The following GOLM1 variants were observed in gnomAD, a reference collection of about 807,000 sequenced individuals.
The protein encoded by GOLM1 is golgi membrane protein 1.
In GOLM1, 31 loss-of-function variants were observed where a neutral mutation model predicts 50.5. The ratio of observed to expected loss-of-function variants is 0.61; its 90% CI spans 0.46 to 0.83. The LOEUF is 0.83. Among genes scored for constraint, GOLM1 ranks in the 40% least tolerant of loss-of-function variants. The probability of loss-of-function intolerance (pLI) is 0.00; values close to 1 mark genes in which losing one functional copy is unlikely to be tolerated. For synonymous variants in GOLM1, 178 were observed against 192.8 expected (o/e 0.92, Z 0.64); for missense variants, 491 against 501.3 (o/e 0.98, Z 0.20).
rs142064430 is a variant in GOLM1 at position 86,069,137 on chromosome 9, A to ATT, written c.309+8273_309+8274dup. 2.0e-3 allele frequency among the ~76,000 whole-genome samples: 293 copies of ATT among 149,250 alleles called. 3 individuals carry two copies. Among genetic ancestry groups the ATT allele is most frequent in the East Asian group, 0.013 (65 of 5,130 alleles). Reference sequence around the variant, plus strand: ...TAATAAAAGCTTACATGTAATCTCTATTTTTTTTTTTAAAGAAAGGGAGTG... The same window carrying ATT: ...TAATAAAAGCTTACATGTAATCTCTATTTTTTTTTTTTTAAAGAAAGGGAGTG... On this transcript the variant is annotated intron_variant, in intron 3 of 9. Coordinates refer to ENST00000388712, the MANE Select transcript of GOLM1 (RefSeq NM_016548.4).
intron 1 of GOLM1, among the ~76,000 whole-genome samples, chr9:86,095,131 C>T (rs1054986265): frequency 1.3e-5 from 2 of 151,932 alleles, no homozygotes; most frequent in Non-Finnish European, 2.9e-5. Context: ...TCAGTAGGAG[C>T]TCAATTTTTC....
intron 1 of GOLM1, among the ~76,000 whole-genome samples, chr9:86,099,147 C>T (rs1427122317): frequency 1.3e-5 from 2 of 152,168 alleles, no homozygotes; most frequent in Non-Finnish European, 2.9e-5. Context: ...CTCGCGAGGC[C>T]CCTCATCGCA....
intron 4 of GOLM1, among the ~76,000 whole-genome samples, chr9:86,051,220 T>C (rs1833739511): frequency 6.6e-6 from 1 of 152,224 alleles, no homozygotes; most frequent in Non-Finnish European, 1.5e-5. Context: ...TGCACTGTGG[T>C]CTGAGAGACA....
At chr9:86,052,765 G>A (rs1833799032) in intron 3 of GOLM1, among the ~76,000 whole-genome samples, 174 bp from the exon 4 acceptor site, 1 of 152,120 alleles carries the variant, frequency 6.6e-6, no homozygotes, top group African/African-American at 2.4e-5. Flanking sequence ...AAAAGGAACA[G>A]GCCGACCTAG....
At position 86,026,481 on chromosome 9, in the gene GOLM1, G is replaced by A. The variant is rs1483431942; in HGVS notation, c.*1336C>T. On this transcript the variant is annotated 3_prime_UTR_variant, in exon 10 of 10. Coordinates refer to ENST00000388712, the MANE Select transcript of GOLM1 (RefSeq NM_016548.4). ...ACTCGGGAGTCTGTGTGAGGCCAGG[G>A]GTGCCAGCGCACCAGCTAGATGCTC... The A allele has an allele frequency of 4.3e-6, 4 of 930,836 alleles. No individual in the cohort carries two copies. The African/African-American group carries it at 5.3e-5, about 12-fold the overall frequency. The allele number at this position is 930,836 out of a possible 1,614,324, so 57.7% of individuals were successfully genotyped here.
At chr9:86,042,500 A>G (rs1351398423) in intron 5 of GOLM1, among the ~76,000 whole-genome samples, 1 of 152,202 alleles carries the variant, frequency 6.6e-6, no homozygotes, top group African/African-American at 2.4e-5. Context: ...TACCACACAC[A>G]GAGAAGGGAA....
chr9:86,026,676 C>G lies in GOLM1; in HGVS notation c.*1141G>C, dbSNP rs1164195346. 1 of 981,942 alleles carries G rather than the reference C, an allele frequency of 1.0e-6. No homozygotes were observed. The highest frequency in any genetic ancestry group is 1.2e-6 in the Non-Finnish European group (1 of 826,970). 60.8% of individuals were successfully genotyped at this position (981,942 alleles called of 1,614,324 possible). ...CCAGTTATTTGCAAGTGGTAAGAGC[C>G]TATTTACCATAAATAATACTAAGAA... On this transcript the variant is annotated 3_prime_UTR_variant, in exon 10 of 10. Coordinates refer to ENST00000388712, the MANE Select transcript of GOLM1 (RefSeq NM_016548.4).
At chr9:86,097,997 A>C (rs908719897) in intron 1 of GOLM1, among the ~76,000 whole-genome samples, 2 of 152,142 alleles carry the variant, frequency 1.3e-5, no homozygotes, top group African/African-American at 2.4e-5. Flanking sequence ...TTAATATCCA[A>C]GTCACCACAA....
intron 4 of GOLM1, among the ~76,000 whole-genome samples, chr9:86,049,421 G>C (rs1444869521): frequency 6.6e-6 from 1 of 152,210 alleles, no homozygotes; most frequent in Non-Finnish European, 1.5e-5. Context: ...GGCATTGGTA[G>C]CTTGATGGGG....
rs570968597 is a variant in GOLM1 at position 86,070,355 on chromosome 9, C to T, written c.309+7057G>A. On this transcript the variant is annotated intron_variant, in intron 3 of 9. Transcript: ENST00000388712. ...TTGGGAGGCCAAGGTGGGCGGATCA[C>T]GAGCTCAGGAGTTCAAGACCAGCCT... 2.3e-3 allele frequency among the ~76,000 whole-genome samples: 343 copies of T among 152,014 alleles called. 1 individual carries two copies. The highest frequency in any genetic ancestry group is 7.8e-3 in the African/African-American group (324 of 41,494).
intron 3 of GOLM1, among the ~76,000 whole-genome samples, chr9:86,053,670 C>T (rs1396927744): frequency 3.9e-4 from 27 of 68,430 alleles, no homozygotes; most frequent in Non-Finnish European, 8.5e-4. Context: ...ACTCCACACA[C>T]GGCACACCAC....
At chr9:86,037,451 A>AAAG (rs1300093349) in intron 6 of GOLM1, among the ~76,000 whole-genome samples, 2 of 151,972 alleles carry the variant, frequency 1.3e-5, no homozygotes, top group African/African-American at 4.8e-5. Flanking sequence ...AAAAAAAAAA[A>AAAG]AAAAAAAGAA....
intron 4 of GOLM1, among the ~76,000 whole-genome samples, chr9:86,050,496 CTTT>C (rs905040753): frequency 1.3e-5 from 2 of 151,996 alleles, no homozygotes; most frequent in Non-Finnish European, 2.9e-5. Flanking sequence ...TGGTCCTGGA[CTTT>C]TTTTGGTTGG....
At chr9:86,066,940 CTAT>C in intron 3 of GOLM1, among the ~76,000 whole-genome samples, 1 of 150,400 alleles carries the variant, frequency 6.6e-6, no homozygotes. Context: ...ATTATTATTA[CTAT>C]TATTATTATT....
chr9:86,086,571 T>C (rs895929701), intron 1 of GOLM1, among the ~76,000 whole-genome samples: 6 of 152,214 alleles, frequency 3.9e-5, no homozygotes, highest in African/African-American at 1.2e-4. Flanking sequence ...TCTTCTAGGG[T>C]GTTTATGGTT....
intron 1 of GOLM1, among the ~76,000 whole-genome samples, chr9:86,096,893 G>A (rs1835369680): frequency 1.3e-5 from 2 of 152,022 alleles, no homozygotes; most frequent in African/African-American, 4.8e-5. Context: ...GTTGGGAAAC[G>A]ATAGCAAATT....
At position 86,088,594 on chromosome 9, in the gene GOLM1, G is replaced by GT. The variant is rs1835071050; in HGVS notation, c.-21-9254dup. Among the ~76,000 whole-genome samples, 4 of 98,526 alleles carry GT rather than the reference G, an allele frequency of 4.1e-5. No homozygotes were observed. The South Asian group carries it at 1.0e-3, about 25-fold the overall frequency. 64.6% of individuals were successfully genotyped at this position (98,526 alleles called of 152,430 possible). A position where few individuals can be genotyped will look rare whatever the true frequency, so the allele number is the denominator to read the frequency against. On this transcript the variant is annotated intron_variant, in intron 1 of 9. Transcript: ENST00000388712. ...TTTGTTTTTTTTTTTTTTTTGTTTTGTTTTTTTGCTTTCCGTTGCTTGGTA... is the reference window on the plus strand; with the variant it reads ...TTTGTTTTTTTTTTTTTTTTGTTTTGTTTTTTTTGCTTTCCGTTGCTTGGTA...
chr9:86,036,629 C>T (rs1206585278), intron 6 of GOLM1, 122 bp from the exon 7 acceptor site: 65 of 952,290 alleles, frequency 6.8e-5, no homozygotes, highest in South Asian at 1.0e-4. Context: ...ACCAAGACCC[C>T]GAGAAACGCC....
intron 3 of GOLM1, among the ~76,000 whole-genome samples, chr9:86,056,436 T>G (rs1833988378): frequency 1.3e-5 from 2 of 151,504 alleles, no homozygotes; most frequent in South Asian, 4.1e-4. Flanking sequence ...TCTTTCAGGG[T>G]TCAACATATT....
Sources: allele counts gnomAD v4.1 joint callset (sites outside exome capture counted in the v4.1 genomes callset), GRCh38; gene constraint gnomAD v4.1.1; transcripts MANE v1.5; gene names NCBI Gene and HGNC (gene_info 2026-07-23, HGNC 2026-07-21).